Variants in AGBL1 observed in about 807,000 individuals in gnomAD.
AGBL1 encodes AGBL carboxypeptidase 1.
In AGBL1, 130 loss-of-function variants were observed where a neutral mutation model predicts 118.9. The observed-to-expected ratio is 1.09, with a 90% CI of 0.95 to 1.26. The LOEUF (loss-of-function observed/expected upper bound fraction) is 1.26. Among genes scored for constraint, AGBL1 ranks in the 50% most tolerant of loss-of-function variants. The pLI, the probability that AGBL1 is intolerant of heterozygous loss-of-function variation, is 0.00. For synonymous variants in AGBL1, 555 were observed against 478.9 expected (o/e 1.16, Z -2.08); for missense variants, 1,584 against 1,298.1 (o/e 1.22, Z -3.38).
intron 18 of AGBL1, among the ~76,000 whole-genome samples, chr15:86,452,404 T>C (rs2082205353): frequency 6.6e-6 from 1 of 152,200 alleles, no homozygotes; most frequent in Non-Finnish European, 1.5e-5. Flanking sequence ...TGTAGCCTCA[T>C]GATGCACTGA....
intron 22 of AGBL1, among the ~76,000 whole-genome samples, chr15:86,715,252 A>G (rs1050251218): frequency 2.0e-5 from 3 of 152,194 alleles, no homozygotes; most frequent in Admixed American, 2.0e-4. Flanking sequence ...GCAGAGACCT[A>G]TGTACCTGTT....
intron 21 of AGBL1, among the ~76,000 whole-genome samples, chr15:86,617,667 A>G (rs143689096): frequency 2.0e-4 from 30 of 152,108 alleles, no homozygotes; most frequent in African/African-American, 6.7e-4. Flanking sequence ...CTGTGACATA[A>G]GTATATAATA....
intron 21 of AGBL1, among the ~76,000 whole-genome samples, chr15:86,633,289 C>A (rs1339660124): frequency 6.6e-6 from 1 of 152,058 alleles, no homozygotes; most frequent in African/African-American, 2.4e-5. Context: ...TTAATTATTA[C>A]CTATATCATT....
At chr15:86,236,809 G>A (rs2078551360) in intron 6 of AGBL1, among the ~76,000 whole-genome samples, 2 of 151,650 alleles carry the variant, frequency 1.3e-5, no homozygotes, top group Admixed American at 1.3e-4. Context: ...TAGGGCTCAG[G>A]GGATTGGTTT....
intron 18 of AGBL1, among the ~76,000 whole-genome samples, chr15:86,446,327 C>T (rs2082120790): frequency 6.6e-6 from 1 of 152,210 alleles, no homozygotes. Context: ...TCTTTTCCCT[C>T]TCCAGACGCA....
intron 23 of AGBL1, among the ~76,000 whole-genome samples, chr15:86,977,239 A>T (rs117413224): frequency 5.9e-5 from 9 of 152,070 alleles, no homozygotes; most frequent in African/African-American, 7.2e-5. Flanking sequence ...GCCACTCATA[A>T]CACATAGCAA....
Position 86,279,658 on chromosome 15 carries a change from A to T in AGBL1, c.2095A>T (p.Thr699Ser). The T allele has an allele frequency of 6.2e-7, 1 of 1,613,422 alleles. No homozygotes were observed. The highest frequency in any genetic ancestry group is 8.5e-7 in the Non-Finnish European group (1 of 1,179,528). Residue 699 changes from threonine to serine, a missense_variant, in exon 16 of 23, where the codon ACA becomes TCA. Physicochemically the swap from Thr to Ser is moderately conservative, Grantham distance 58. Transcript: ENST00000614907. ...CYYKNHYRQS[T>S]AVAGGASGKC... ...CTTTAGAAATCATTATCGCCAGAGT[A>T]CAGCTGTTGCAGGCGGAGCATCTGG...
chr15:86,931,995 A>G (rs1171580037), intron 23 of AGBL1, among the ~76,000 whole-genome samples: 1 of 152,174 alleles, frequency 6.6e-6, no homozygotes, highest in Non-Finnish European at 1.5e-5. Flanking sequence ...TGAAGGACAA[A>G]ATGAATGTAA....
At chr15:86,280,444 C>G (rs1034350526) in intron 16 of AGBL1, among the ~76,000 whole-genome samples, 2 of 152,108 alleles carry the variant, frequency 1.3e-5, no homozygotes, top group Non-Finnish European at 2.9e-5. Flanking sequence ...GTTCACAAGA[C>G]AATTGTGAGA....
chr15:86,906,798 C>A (rs754221601), intron 22 of AGBL1, among the ~76,000 whole-genome samples: 2 of 151,982 alleles, frequency 1.3e-5, no homozygotes, highest in Non-Finnish European at 2.9e-5. Flanking sequence ...AAGAAGCCTG[C>A]AAATTGTTAC....
chr15:86,446,993 A>C (rs1320689102), intron 18 of AGBL1, among the ~76,000 whole-genome samples: 1 of 152,236 alleles, frequency 6.6e-6, no homozygotes, highest in African/African-American at 2.4e-5. Flanking sequence ...AGTGGGTTTT[A>C]TAAAATGCAG....
intron 17 of AGBL1, among the ~76,000 whole-genome samples, chr15:86,342,581 T>C (rs759782020): frequency 6.6e-6 from 1 of 152,156 alleles, no homozygotes; most frequent in Non-Finnish European, 1.5e-5. Flanking sequence ...ATTGTACAGA[T>C]TTCAAAAATT....
intron 18 of AGBL1, among the ~76,000 whole-genome samples, chr15:86,405,833 TAAA>T (rs113928718): frequency 4.9e-5 from 7 of 141,996 alleles, no homozygotes; most frequent in Admixed American, 4.9e-4. Flanking sequence ...AAGGAGATGC[TAAA>T]AAAAAAAAAG....
rs187756358 is a variant in AGBL1, at chr15:86,452,271, T to C, written c.2555+54725T>C. On this transcript the variant is annotated intron_variant, in intron 18 of 22. Coordinates refer to ENST00000614907, the MANE Select transcript of AGBL1 (RefSeq NM_001386094.1). Reference sequence around the variant, plus strand: ...GGCCACATGTTTGTCCCTTAGTATGTGGTATTCCCTTTCTTGAGTGTCATT... The same window carrying C: ...GGCCACATGTTTGTCCCTTAGTATGCGGTATTCCCTTTCTTGAGTGTCATT... 2.0e-3 allele frequency among the ~76,000 whole-genome samples: 301 copies of C among 152,300 alleles called. 3 individuals are homozygous for C. The highest frequency in any genetic ancestry group is 3.8e-3 in the Non-Finnish European group (261 of 68,012).
intron 23 of AGBL1, among the ~76,000 whole-genome samples, chr15:86,967,153 A>G (rs1372367853): frequency 1.3e-5 from 2 of 151,886 alleles, no homozygotes; most frequent in East Asian, 1.9e-4. Context: ...CATATCCTTC[A>G]CCCACTTGTT....
At chr15:86,717,719 T>C (rs2086659071) in intron 22 of AGBL1, among the ~76,000 whole-genome samples, 2 of 152,140 alleles carry the variant, frequency 1.3e-5, no homozygotes, top group Admixed American at 6.5e-5. Context: ...GCCCCATTGA[T>C]ACCTCCCAGA....
intron 17 of AGBL1, among the ~76,000 whole-genome samples, chr15:86,396,995 A>G (rs529374406): frequency 6.6e-6 from 1 of 152,266 alleles, no homozygotes; most frequent in South Asian, 2.1e-4. Context: ...GACAGCCTTG[A>G]GCTGTACCTT....
chr15:86,812,260 G>A (rs1015662754), intron 22 of AGBL1, among the ~76,000 whole-genome samples: 1 of 152,170 alleles, frequency 6.6e-6, no homozygotes, highest in Non-Finnish European at 1.5e-5. Context: ...GTATGGGTGT[G>A]TATAAAACAT....
chr15:87,019,994 TAAACTAG>T (rs1452101792), intron 24 of AGBL1, among the ~76,000 whole-genome samples: 1 of 151,970 alleles, frequency 6.6e-6, no homozygotes, highest in Non-Finnish European at 1.5e-5. Context: ...TCTATGCACA[TAAACTAG>T]AAAATCTAGA....
Sources: gnomAD v4.1 joint callset for allele counts (sites outside exome capture counted in the v4.1 genomes callset) on GRCh38, gnomAD v4.1.1 for gene constraint, MANE v1.5 for transcripts, NCBI Gene and HGNC (gene_info 2026-07-23, HGNC 2026-07-21) for gene names.